The following GRIP1 variants were observed in gnomAD, a reference collection of about 807,000 sequenced individuals.
GRIP1 encodes the protein glutamate receptor interacting protein 1.
In GRIP1, 45 loss-of-function variants were observed where a neutral mutation model predicts 129.9. The ratio of observed to expected loss-of-function variants is 0.35; its 90% CI spans 0.27 to 0.44. The LOEUF (loss-of-function observed/expected upper bound fraction) is 0.44, where lower values mean the gene tolerates loss of function less well. Ranked by LOEUF, GRIP1 falls within the 20% of genes least tolerant of loss-of-function variation. The pLI, the probability that GRIP1 is intolerant of heterozygous loss-of-function variation, is 1.00. For missense variants in GRIP1, 1,196 were observed against 1,396.8 expected (o/e 0.86, Z 2.29); for synonymous variants, 530 against 520.8 (o/e 1.02, Z -0.24).
At chr12:66,636,828 C>G (rs2031443307) in intron 1 of GRIP1, among the ~76,000 whole-genome samples, 1 of 152,008 alleles carries the variant, frequency 6.6e-6, no homozygotes, top group South Asian at 2.1e-4. Flanking sequence ...GAAAAGGGCC[C>G]TCACCAGAAA....
At chr12:66,561,751 C>T (rs2139403143) in intron 2 of GRIP1, among the ~76,000 whole-genome samples, 1 of 152,114 alleles carries the variant, frequency 6.6e-6, no homozygotes, top group South Asian at 2.1e-4. Flanking sequence ...ATTTTATTGA[C>T]TTTAAGGTGC....
intron 1 of GRIP1, among the ~76,000 whole-genome samples, chr12:66,870,451 T>C (rs553939548): frequency 1.3e-5 from 2 of 152,266 alleles, no homozygotes; most frequent in Non-Finnish European, 2.9e-5. Flanking sequence ...AGAGCAATGC[T>C]GTTTCTCCAC....
At chr12:66,588,371 C>G (rs2063722733) in intron 2 of GRIP1, among the ~76,000 whole-genome samples, 1 of 152,110 alleles carries the variant, frequency 6.6e-6, no homozygotes, top group Non-Finnish European at 1.5e-5. Context: ...ATTAACCCCC[C>G]TCTAATTGAG....
intron 1 of GRIP1, among the ~76,000 whole-genome samples, chr12:67,055,237 T>C (rs2043415276): frequency 6.6e-6 from 1 of 152,148 alleles, no homozygotes; most frequent in African/African-American, 2.4e-5. Flanking sequence ...AATAATCCAG[T>C]AGAGAAGGCG....
chr12:67,054,426 TA>T (rs1268785901), intron 1 of GRIP1, among the ~76,000 whole-genome samples: 1 of 151,934 alleles, frequency 6.6e-6, no homozygotes, highest in Non-Finnish European at 1.5e-5. Flanking sequence ...AATAAATGAG[TA>T]AAATATATAG....
At chr12:66,940,253 T>C (rs1472871077) in intron 1 of GRIP1, among the ~76,000 whole-genome samples, 1 of 152,164 alleles carries the variant, frequency 6.6e-6, no homozygotes, top group Non-Finnish European at 1.5e-5. Context: ...CTTATTAAAT[T>C]TGGGATCTTG....
chr12:67,027,826 G>A (rs1456461008), intron 1 of GRIP1, among the ~76,000 whole-genome samples: 1 of 152,298 alleles, frequency 6.6e-6, no homozygotes, highest in South Asian at 2.1e-4. Context: ...CCACGTTCTG[G>A]ACATCTGCCT....
chr12:66,747,642 T>C (rs886796660), intron 1 of GRIP1, among the ~76,000 whole-genome samples: 2 of 152,194 alleles, frequency 1.3e-5, no homozygotes, highest in Non-Finnish European at 2.9e-5. Context: ...TAAGTCTGTA[T>C]TCAGATTTGA....
chr12:66,543,308 T>C (rs2061843659), intron 2 of GRIP1, among the ~76,000 whole-genome samples: 1 of 152,026 alleles, frequency 6.6e-6, no homozygotes, highest in Non-Finnish European at 1.5e-5. Context: ...GGCAGTCTCA[T>C]GACACTGTAT....
chr12:67,059,432 T>G (rs1319169446), intron 1 of GRIP1, among the ~76,000 whole-genome samples: 1 of 152,150 alleles, frequency 6.6e-6, no homozygotes, highest in East Asian at 1.9e-4. Context: ...TCCAGAGCAG[T>G]AGACACAGTG....
chr12:66,477,142 C>T lies in GRIP1; in HGVS notation c.725-11720G>A, dbSNP rs948442440. On this transcript the variant is annotated intron_variant, in intron 7 of 24. Transcript: ENST00000359742. Reference sequence around the variant, plus strand: ...ATTTAGAAAACCCCATCGTCTCAGCCCAAAATCTCCTTAAGCTGATAAGCA... The same window carrying T: ...ATTTAGAAAACCCCATCGTCTCAGCTCAAAATCTCCTTAAGCTGATAAGCA... 5.9e-4 allele frequency among the ~76,000 whole-genome samples: 90 copies of T among 152,188 alleles called. 1 individual carries two copies. Among genetic ancestry groups the T allele is most frequent in the Non-Finnish European group, 9.9e-4 (67 of 68,004 alleles).
intron 2 of GRIP1, among the ~76,000 whole-genome samples, chr12:66,545,380 A>G (rs1445651381): frequency 1.3e-5 from 2 of 152,220 alleles, no homozygotes; most frequent in African/African-American, 4.8e-5. Flanking sequence ...GTTCTTACGA[A>G]CAAATAAGAA....
chr12:66,812,812 A>G (rs760851798), intron 1 of GRIP1, among the ~76,000 whole-genome samples: 8 of 152,220 alleles, frequency 5.3e-5, no homozygotes, highest in Admixed American at 4.6e-4. Context: ...GGTGTTTGAC[A>G]TACTTTTTAG....
At chr12:66,531,576 A>G (rs2139123161) in intron 4 of GRIP1, among the ~76,000 whole-genome samples, 1 of 152,220 alleles carries the variant, frequency 6.6e-6, no homozygotes, top group South Asian at 2.1e-4. Context: ...ATAAACCTAC[A>G]GTTCAAAAAT....
chr12:66,448,950 A>G (rs1024403916), intron 11 of GRIP1, among the ~76,000 whole-genome samples: 14 of 152,110 alleles, frequency 9.2e-5, no homozygotes, highest in African/African-American at 2.9e-4. Context: ...TCTCCTGCCC[A>G]TCCACTCTCC....
At chr12:66,508,343 T>C (rs1309909646) in intron 7 of GRIP1, among the ~76,000 whole-genome samples, 1 of 152,158 alleles carries the variant, frequency 6.6e-6, no homozygotes, top group Non-Finnish European at 1.5e-5. Context: ...CATTAGGTGT[T>C]ATGGAAATAC....
intron 1 of GRIP1, among the ~76,000 whole-genome samples, chr12:66,799,911 G>A (rs879479595): frequency 5.9e-5 from 9 of 152,096 alleles, no homozygotes; most frequent in Non-Finnish European, 8.8e-5. Context: ...CCTCTAAGAA[G>A]AACAATGCAT....
At chr12:66,364,923 G>A (rs1203385515) in intron 23 of GRIP1, among the ~76,000 whole-genome samples, 1 of 151,920 alleles carries the variant, frequency 6.6e-6, no homozygotes, top group Non-Finnish European at 1.5e-5. Context: ...TTTTCCTGTG[G>A]TATGTGTCCC....
intron 1 of GRIP1, among the ~76,000 whole-genome samples, chr12:66,834,936 A>AG (rs57338642): frequency 0.019 from 1,852 of 99,198 alleles, 87 homozygotes; most frequent in African/African-American, 0.053. Flanking sequence ...TAAAAAAAAA[A>AG]GGGGGGGGGG....
Sources: allele counts gnomAD v4.1 joint callset (sites outside exome capture counted in the v4.1 genomes callset), GRCh38; gene constraint gnomAD v4.1.1; transcripts MANE v1.5; gene names NCBI Gene and HGNC (gene_info 2026-07-23, HGNC 2026-07-21).